ZNF107: variants seen among roughly 807,000 people sequenced by gnomAD.
ZNF107 encodes C2H2 type zinc-finger protein.
In ZNF107, 19 loss-of-function variants were observed where a neutral mutation model predicts 12.3. The observed-to-expected ratio is 1.55, with a 90% CI of 1.08 to 2.27. The LOEUF (loss-of-function observed/expected upper bound fraction) is 2.27. Ranked by LOEUF, ZNF107 falls within the 30% of genes most tolerant of loss-of-function variation. The pLI is 0.00. For synonymous variants in ZNF107, 317 were observed against 330.5 expected (o/e 0.96, Z 0.44); for missense variants, 958 against 979.9 (o/e 0.98, Z 0.30).
At chr7:64,680,691 C>T (rs1294737881) in intron 1 of ZNF107, among the ~76,000 whole-genome samples, 2 of 152,192 alleles carry the variant, frequency 1.3e-5, no homozygotes, top group African/African-American at 2.4e-5. Flanking sequence ...AAGGCCGACT[C>T]ATGCATTTTA....
rs1423012657 is a variant in ZNF107, at chr7:64,666,154, C to T, written c.-129C>T. The T allele has an allele frequency of 4.6e-6, 6 of 1,297,426 alleles. No homozygotes were observed. Among genetic ancestry groups the T allele is most frequent in the Non-Finnish European group, 5.5e-6 (5 of 916,404 alleles). The allele number at this position is 1,297,426 out of a possible 1,614,324, so 80.4% of individuals were successfully genotyped here. On this transcript the variant is annotated 5_prime_UTR_variant, in exon 1 of 4. Transcript: ENST00000620827. ...CGGGGCCTTTGTCTCTGGCTGCAGC[C>T]GGAGCTCCTGCTCTCCTCCTCACTG... is the stretch of plus-strand genomic sequence containing the variant.
intron 3 of ZNF107, among the ~76,000 whole-genome samples, chr7:64,695,554 T>C (rs1425806129): frequency 2.0e-5 from 3 of 152,242 alleles, no homozygotes; most frequent in Non-Finnish European, 4.4e-5. Flanking sequence ...TTTTAGATAA[T>C]TTGCAATTCT....
rs578221751 is a variant in ZNF107 at position 64,672,049 on chromosome 7, G to C, written c.3+5764G>C. On this transcript the variant is annotated intron_variant, in intron 1 of 3. Coordinates refer to ENST00000620827, the MANE Select transcript of ZNF107 (RefSeq NM_001282359.2). ...GATCCACCCGCCTCGGCCTCCCAAA[G>C]TGCTGGGATTACAGGAGTGAGCCAC... Among the ~76,000 whole-genome samples the C allele has an allele frequency of 2.0e-5, 3 of 152,160 alleles. No individual in the cohort carries two copies. The South Asian group carries it at 6.2e-4, about 32-fold the overall frequency.
chr7:64,699,060 A>G (rs921945189), intron 3 of ZNF107, among the ~76,000 whole-genome samples: 17 of 151,966 alleles, frequency 1.1e-4, no homozygotes, highest in Non-Finnish European at 1.9e-4. Flanking sequence ...TCAGTACCAC[A>G]TTGTTTTTGT....
intron 3 of ZNF107, among the ~76,000 whole-genome samples, chr7:64,702,105 G>A (rs1584488550): frequency 6.6e-6 from 1 of 151,570 alleles, no homozygotes; most frequent in Non-Finnish European, 1.5e-5. Flanking sequence ...TTTCATAATG[G>A]TCATGAAAAA....
At chr7:64,687,031 T>C (rs949125404) in intron 1 of ZNF107, 1 of 985,434 alleles carries the variant, frequency 1.0e-6, no homozygotes, top group South Asian at 4.7e-5. Context: ...CAGAGAAATG[T>C]GTTTTAGGGG....
rs1790485723 is a variant in ZNF107 at position 64,701,795 on chromosome 7, A to AT, written c.227-4523dup. Among the ~76,000 whole-genome samples, 11 of 151,682 alleles carry AT rather than the reference A, an allele frequency of 7.3e-5. 1 individual carries two copies. The South Asian group carries it at 2.3e-3, about 32-fold the overall frequency. On this transcript the variant is annotated intron_variant, in intron 3 of 3. Transcript: ENST00000620827. ...CATCACACCCAGCTAGATTTTTTGT[A>AT]TTTTTTGTAGAGACAGGGTTTTGTT...
chr7:64,674,484 T>C (rs1789348044), intron 1 of ZNF107, among the ~76,000 whole-genome samples: 1 of 150,880 alleles, frequency 6.6e-6, no homozygotes, highest in African/African-American at 2.5e-5. Flanking sequence ...GCTTCAGTTA[T>C]TTTTCAGTTT....
chr7:64,671,840 G>T (rs187572058), intron 1 of ZNF107, among the ~76,000 whole-genome samples: 1 of 145,724 alleles, frequency 6.9e-6, no homozygotes, highest in African/African-American at 2.6e-5. Flanking sequence ...GGAGTGCAGC[G>T]GCGCGATCTC....
intron 3 of ZNF107, among the ~76,000 whole-genome samples, chr7:64,696,520 A>G (rs1458538889): frequency 1.3e-5 from 2 of 152,190 alleles, no homozygotes. Context: ...GTCTCAAAAA[A>G]ATATACTGTT....
At chr7:64,684,532 CCTT>C (rs1789821751) in intron 1 of ZNF107, 1 of 970,794 alleles carries the variant, frequency 1.0e-6, no homozygotes, top group East Asian at 1.1e-4. Context: ...TCAGCCTGAC[CCTT>C]CTTCCTCCTC....
chr7:64,682,206 C>T (rs1789708169), intron 1 of ZNF107, among the ~76,000 whole-genome samples: 1 of 151,986 alleles, frequency 6.6e-6, no homozygotes, highest in Non-Finnish European at 1.5e-5. Context: ...CGAATGTCCC[C>T]TTCTAAAGCT....
chr7:64,682,192 G>A (rs1257877041), intron 1 of ZNF107, among the ~76,000 whole-genome samples: 1 of 151,814 alleles, frequency 6.6e-6, no homozygotes, highest in Admixed American at 6.6e-5. Context: ...ACTCTAAAGG[G>A]TACCGAATGT....
chr7:64,684,144 T>G (rs546331789), intron 1 of ZNF107, among the ~76,000 whole-genome samples: 1 of 152,286 alleles, frequency 6.6e-6, no homozygotes, highest in South Asian at 2.1e-4. Context: ...CCGAAAGGAC[T>G]GGACTGTTCT....
At chr7:64,667,262 A>G (rs1437200463) in intron 1 of ZNF107, among the ~76,000 whole-genome samples, 4 of 151,966 alleles carry the variant, frequency 2.6e-5, no homozygotes, top group Admixed American at 2.6e-4. Context: ...CCCCTCCCTA[A>G]TTCACATTAT....
chr7:64,685,905 G>T (rs1392503577), intron 1 of ZNF107, among the ~76,000 whole-genome samples: 1 of 152,162 alleles, frequency 6.6e-6, no homozygotes, highest in Non-Finnish European at 1.5e-5. Context: ...GGGCTGTGCA[G>T]ATAATACCCT....
At chr7:64,670,968 T>C (rs62460663) in intron 1 of ZNF107, among the ~76,000 whole-genome samples, 8,255 of 152,290 alleles carry the variant, frequency 0.054, 304 homozygotes, top group East Asian at 0.15. Flanking sequence ...GTTGTGGGAC[T>C]GAGCCCTGAA....
At chr7:64,693,383 A>G (rs1790185390) in intron 3 of ZNF107, among the ~76,000 whole-genome samples, 1 of 151,020 alleles carries the variant, frequency 6.6e-6, no homozygotes, top group Non-Finnish European at 1.5e-5. Flanking sequence ...AAGCATTGAC[A>G]ATGGGCACAA....
At chr7:64,694,467 T>A (rs774365346) in intron 3 of ZNF107, among the ~76,000 whole-genome samples, 21 of 152,208 alleles carry the variant, frequency 1.4e-4, no homozygotes, top group Admixed American at 7.9e-4. Flanking sequence ...CGGAGCTCTC[T>A]TAAAGGCACT....
Sources: allele counts gnomAD v4.1 joint callset (sites outside exome capture counted in the v4.1 genomes callset), GRCh38; gene constraint gnomAD v4.1.1; transcripts MANE v1.5; gene names NCBI Gene and HGNC (gene_info 2026-07-23, HGNC 2026-07-21).